CACYBP: variants seen among roughly 807,000 people sequenced by gnomAD.
CACYBP encodes calcyclin binding protein.
CACYBP carries 11 observed loss-of-function variants against 29.6 expected under a neutral mutation model. The observed-to-expected ratio is 0.37, with a 90% confidence interval of 0.23 to 0.61. The LOEUF (loss-of-function observed/expected upper bound fraction) is 0.61. Among genes scored for constraint, CACYBP ranks in the 20% least tolerant of loss-of-function variants. The pLI is 0.65. For synonymous variants in CACYBP, 73 were observed against 88.3 expected (o/e 0.83, Z 0.97); for missense variants, 163 against 260.7 (o/e 0.63, Z 2.58).
intron 1 of CACYBP, 161 bp downstream of exon 1, chr1:175,000,356 C>G: frequency 7.0e-7 from 1 of 1,430,612 alleles, no homozygotes; most frequent in Non-Finnish European, 9.2e-7. Context: ...TCGCCCCTTG[C>G]TGCGCCGTCG....
At chr1:175,008,447 T>C (rs1217971330) in intron 4 of CACYBP, among the ~76,000 whole-genome samples, 162 bp from the exon 5 acceptor site, 3 of 152,202 alleles carry the variant, frequency 2.0e-5, no homozygotes, top group Non-Finnish European at 4.4e-5. Context: ...TTTCACACCA[T>C]GAATGTTCAG....
chr1:175,005,695 T>C (rs898039624), intron 2 of CACYBP, among the ~76,000 whole-genome samples: 2 of 152,156 alleles, frequency 1.3e-5, no homozygotes, highest in Non-Finnish European at 2.9e-5. Flanking sequence ...ATATAGGAAA[T>C]TGCACCGTGT....
In CACYBP at chr1:175,000,206, C is replaced by T; in HGVS notation, c.15+11C>T. 6.2e-7 allele frequency: 1 copy of T among 1,605,218 alleles called. No individual in the cohort carries two copies. The highest frequency in any genetic ancestry group is 8.5e-7 in the Non-Finnish European group (1 of 1,175,852). On this transcript the variant is annotated intron_variant, in intron 1 of 5. Coordinates refer to ENST00000367679, the MANE Select transcript of CACYBP (RefSeq NM_014412.3). ...ATGGCTTCAGAAGAGGTAAGTGGTC[C>T]GGCCCCATATTCCTTATGCCCCCCG... is the stretch of plus-strand genomic sequence containing the variant.
chr1:175,007,238 C>G, intron 4 of CACYBP, 41 bp downstream of exon 4: 2 of 1,170,640 alleles, frequency 1.7e-6, no homozygotes, highest in Admixed American at 1.8e-5. Context: ...TGAAACCTTA[C>G]CAAATTGAAC....
chr1:175,003,145 T>TA (rs1672532145), intron 1 of CACYBP, among the ~76,000 whole-genome samples: 1 of 146,388 alleles, frequency 6.8e-6, no homozygotes, highest in South Asian at 2.2e-4. Context: ...GGAGACCGAG[T>TA]TTTGCTCTTG....
At chr1:175,002,301 C>G (rs1672512250) in intron 1 of CACYBP, among the ~76,000 whole-genome samples, 2 of 152,032 alleles carry the variant, frequency 1.3e-5, no homozygotes, top group Admixed American at 1.3e-4. Flanking sequence ...TTTTATTTTT[C>G]TTTTTCGGTT....
intron 1 of CACYBP, among the ~76,000 whole-genome samples, chr1:175,003,343 C>T (rs948877431): frequency 9.2e-5 from 14 of 152,120 alleles, no homozygotes; most frequent in African/African-American, 3.4e-4. Context: ...GGTCTCGAAC[C>T]CCTAACCTCA....
intron 1 of CACYBP, chr1:175,000,539 T>C (rs1034896545): frequency 5.8e-6 from 7 of 1,214,254 alleles, no homozygotes; most frequent in Non-Finnish European, 4.1e-6. Context: ...GACAGGAAGC[T>C]TCATTCAAGC....
Position 175,000,041 on chromosome 1 carries a change from C to G in CACYBP, c.-140C>G. 3 of 1,232,276 alleles carry G rather than the reference C, an allele frequency of 2.4e-6. No individual in the cohort carries two copies. The highest frequency in any genetic ancestry group is 3.5e-6 in the Non-Finnish European group (3 of 864,426). 76.3% of individuals were successfully genotyped at this position (1,232,276 alleles called of 1,614,324 possible). On this transcript the variant is annotated 5_prime_UTR_variant, in exon 1 of 6. Coordinates refer to ENST00000367679, the MANE Select transcript of CACYBP (RefSeq NM_014412.3). ...GCGGGAGGCGGGCCGCGATCTTGCG[C>G]AGGGTCGGTGTGGGCGCAGGCTGCA...
intron 1 of CACYBP, chr1:175,000,706 C>A: frequency 1.6e-6 from 1 of 633,140 alleles, no homozygotes; most frequent in Non-Finnish European, 2.0e-6. Context: ...GTCGCAGTAG[C>A]ATCCATTTCA....
At position 175,008,645 on chromosome 1, in the gene CACYBP, A is replaced by G. The variant is rs1333425145; in HGVS notation, c.469A>G (p.Lys157Glu). The G allele has an allele frequency of 6.3e-7, 1 of 1,595,698 alleles. No individual in the cohort carries two copies. The highest frequency in any genetic ancestry group is 8.6e-7 in the Non-Finnish European group (1 of 1,163,412). Residue 157 changes from lysine (K) to glutamate (E), a missense_variant, in exon 5 of 6, where the codon AAA becomes GAA. Physicochemically the swap from Lys to Glu is moderately conservative, Grantham distance 56. Transcript: ENST00000367679. The part of the protein sequence containing the change: ...TDTVLILCRK[K>E]VENTRWDYLT... ...TACAGTTCTTATATTGTGTAGAAAG[A>G]AAGTGGAAAACACAAGGTGGGATTA... is the stretch of plus-strand genomic sequence containing the variant.
intron 1 of CACYBP, among the ~76,000 whole-genome samples, chr1:175,002,566 C>T (rs1260352803): frequency 2.0e-5 from 3 of 152,070 alleles, no homozygotes; most frequent in African/African-American, 7.2e-5. Context: ...TTTTTATATA[C>T]GTAAAACAAA....
chr1:175,008,775 G>A (rs901034588), intron 5 of CACYBP, 69 bp downstream of exon 5: 1 of 793,066 alleles, frequency 1.3e-6, no homozygotes, highest in Non-Finnish European at 2.3e-6. Flanking sequence ...TTAATAGTTT[G>A]TCTTTATGGA....
intron 1 of CACYBP, 95 bp from the exon 2 acceptor site, chr1:175,004,519 T>C: frequency 1.4e-6 from 1 of 718,926 alleles, no homozygotes. Flanking sequence ...TCTTAATTCT[T>C]AGTGCTTATT....
rs1672725497 is a variant in CACYBP, at chr1:175,010,619, A to G, written c.*540A>G. The G allele has an allele frequency of 2.0e-5, 3 of 152,254 alleles. No homozygotes were observed. The highest frequency in any genetic ancestry group is 2.0e-4 in the Admixed American group (3 of 15,286). The allele number at this position is 152,254 out of a possible 1,614,324, so 9.4% of individuals were successfully genotyped here. ...CACAGGTGTTTCTATCTAGATTTAA[A>G]TATATTTGTCAATGAATGTGGAATA... On this transcript the variant is annotated 3_prime_UTR_variant, in exon 6 of 6. Transcript: ENST00000367679.
intron 2 of CACYBP, among the ~76,000 whole-genome samples, chr1:175,005,952 T>C (rs1672610574): frequency 6.6e-6 from 1 of 152,184 alleles, no homozygotes; most frequent in South Asian, 2.1e-4. Context: ...AGATGTTTGA[T>C]ATAGGCATGC....
chr1:175,009,874 C>T (rs545039870), intron 5 of CACYBP, 49 bp from the exon 6 acceptor site: 7 of 1,476,504 alleles, frequency 4.7e-6, no homozygotes, highest in South Asian at 1.3e-5. Context: ...ATGATAGTAT[C>T]TTCCGGTGCT....
intron 1 of CACYBP, chr1:175,000,546 A>C (rs1281764265): frequency 3.3e-6 from 4 of 1,194,218 alleles, no homozygotes; most frequent in Non-Finnish European, 3.1e-6. Flanking sequence ...AGCTTCATTC[A>C]AGCAAAGCTG....
chr1:175,006,461 A>T (rs1009594461), intron 2 of CACYBP: 5 of 233,726 alleles, frequency 2.1e-5, no homozygotes, highest in Non-Finnish European at 4.1e-5. Context: ...TAGTGATCAT[A>T]TTTTTATTCT....
Sources: gnomAD v4.1 joint callset for allele counts (sites outside exome capture counted in the v4.1 genomes callset) on GRCh38, gnomAD v4.1.1 for gene constraint, MANE v1.5 for transcripts, NCBI Gene and HGNC (gene_info 2026-07-23, HGNC 2026-07-21) for gene names.